Variants in KCNB2 observed in about 807,000 individuals in gnomAD.
The protein encoded by KCNB2 is potassium voltage-gated channel subfamily B member 2, also known as delayed rectifier potassium channel protein.
In KCNB2, 15 loss-of-function variants were observed where a neutral mutation model predicts 61.5. The ratio of observed to expected loss-of-function variants is 0.24; its 90% CI spans 0.16 to 0.38. The LOEUF is 0.38. KCNB2 is among the 10% of genes least tolerant of loss of function. KCNB2 has a pLI of 1.00. For synonymous variants in KCNB2, 457 were observed against 446.0 expected, an observed-to-expected ratio of 1.02 and a Z score of -0.31; for missense variants, 828 against 1,125.2, an observed-to-expected ratio of 0.74 and a Z score of 3.78.
intron 2 of KCNB2, among the ~76,000 whole-genome samples, chr8:72,923,768 G>A (rs2129008437): frequency 6.6e-6 from 1 of 152,276 alleles, no homozygotes; most frequent in East Asian, 1.9e-4. Flanking sequence ...AGGCACTAAT[G>A]TCAAATAGGA....
chr8:72,773,774 T>A lies in KCNB2; in HGVS notation c.580-162161T>A, dbSNP rs185241657. On this transcript the variant is annotated intron_variant, in intron 2 of 2. Coordinates refer to ENST00000523207, the MANE Select transcript of KCNB2 (RefSeq NM_004770.3). Reference sequence around the variant, plus strand: ...GAGTTCATTTACCTTCACAATTAATTTTGTACCTAAGAACTTTCAGACTTA... The same window carrying A: ...GAGTTCATTTACCTTCACAATTAATATTGTACCTAAGAACTTTCAGACTTA... 4.3e-3 allele frequency among the ~76,000 whole-genome samples: 651 copies of A among 152,312 alleles called. 4 individuals are homozygous for A. Among genetic ancestry groups the A allele is most frequent in the African/African-American group, 0.015 (612 of 41,548 alleles).
At chr8:72,661,008 G>A (rs1451012456) in intron 2 of KCNB2, 1 of 152,022 alleles carries the variant, frequency 6.6e-6, no homozygotes, top group African/African-American at 2.4e-5. Flanking sequence ...TGTACATTCG[G>A]TTGCTTTTTT....
chr8:72,724,382 C>T (rs538439139), intron 2 of KCNB2, among the ~76,000 whole-genome samples: 41 of 152,294 alleles, frequency 2.7e-4, no homozygotes, highest in African/African-American at 9.6e-4. Context: ...TTTGGAAAAA[C>T]TTAAATCAAA....
In KCNB2 at chr8:72,937,449, C is replaced by T. The variant is rs1221039418; in HGVS notation, c.2094C>T (p.Asp698=). 1.9e-6 allele frequency: 3 copies of T among 1,613,854 alleles called. No homozygotes were observed. Among genetic ancestry groups the T allele is most frequent in the Non-Finnish European group, 2.5e-6 (3 of 1,179,994 alleles). The change falls in exon 3 of 3, where the codon GAC becomes GAT. Residue 698 remains aspartate, a synonymous_variant. Coordinates refer to ENST00000523207, the MANE Select transcript of KCNB2 (RefSeq NM_004770.3). ...CTTTGCAGTCTGACAATGCCACCGA[C>T]AGTCCTAAGAGCTCTCTAAAAGGCA... ...HSPLQSDNAT[D]SPKSSLKGSN...
At chr8:72,706,486 G>A (rs573512878) in intron 2 of KCNB2, among the ~76,000 whole-genome samples, 91 of 152,270 alleles carry the variant, frequency 6.0e-4, no homozygotes, top group South Asian at 1.5e-3. Flanking sequence ...CAGGCATCAG[G>A]ATTGCTGTTT....
chr8:72,794,670 T>C (rs1809001479), intron 2 of KCNB2, among the ~76,000 whole-genome samples: 1 of 151,728 alleles, frequency 6.6e-6, no homozygotes. Context: ...AATATACATA[T>C]GTAGAATCTG....
At chr8:72,853,550 C>T (rs969883847) in intron 2 of KCNB2, among the ~76,000 whole-genome samples, 2 of 152,184 alleles carry the variant, frequency 1.3e-5, no homozygotes, top group Non-Finnish European at 1.5e-5. Context: ...GATACTTTAA[C>T]CTAATGTCTA....
intron 2 of KCNB2, among the ~76,000 whole-genome samples, chr8:72,703,589 GTC>G (rs1472335245): frequency 6.6e-6 from 1 of 152,146 alleles, no homozygotes; most frequent in Non-Finnish European, 1.5e-5. Context: ...CCCAGAGAGG[GTC>G]TCAGCTGAGA....
Position 72,937,986 on chromosome 8 carries a change from C to T in KCNB2, c.2631C>T (p.Asp877=), listed in dbSNP as rs745468087. Residue 877 remains aspartate (D), a synonymous_variant, in exon 3 of 3, where the codon GAC becomes GAT. Coordinates refer to ENST00000523207, the MANE Select transcript of KCNB2 (RefSeq NM_004770.3). ...ATGCTGTGAGTGAAGTCAAAAAGGA[C>T]AGTAGTCAAGAAGGGTGCAAGATGG... The part of the protein sequence containing the change: ...IYHAVSEVKK[D]SSQEGCKMEN... 2.5e-6 allele frequency: 4 copies of T among 1,614,062 alleles called. No homozygotes were observed. In the East Asian group the frequency reaches 6.7e-5, roughly 27 times the overall value.
intron 2 of KCNB2, among the ~76,000 whole-genome samples, chr8:72,717,798 C>T (rs1468116423): frequency 6.6e-6 from 1 of 152,192 alleles, no homozygotes; most frequent in Admixed American, 6.5e-5. Flanking sequence ...GCAACAAAAG[C>T]CAAAATTGAC....
intron 2 of KCNB2, among the ~76,000 whole-genome samples, chr8:72,906,026 G>T (rs779784168): frequency 1.3e-5 from 2 of 152,070 alleles, no homozygotes; most frequent in Non-Finnish European, 2.9e-5. Context: ...GCCAAAATTC[G>T]GTTTTCTGTC....
At chr8:72,714,897 T>A (rs1449538927) in intron 2 of KCNB2, among the ~76,000 whole-genome samples, 1 of 152,144 alleles carries the variant, frequency 6.6e-6, no homozygotes, top group African/African-American at 2.4e-5. Flanking sequence ...CCCATCAGTG[T>A]GCTGTATTCA....
chr8:72,681,823 T>C (rs1432895816), intron 2 of KCNB2, among the ~76,000 whole-genome samples: 1 of 152,188 alleles, frequency 6.6e-6, no homozygotes, highest in Non-Finnish European at 1.5e-5. Flanking sequence ...ATAGTAATTT[T>C]TTCAGCTCCA....
rs1805459122 is a variant in KCNB2 at position 72,606,811 on chromosome 8, G to A, written c.579+38498G>A. ...GAGATGAGGTCTGCTTGCTGAGGGA[G>A]AGTAAAAGTTAAGGCAGAAAAGTGT... On this transcript the variant is annotated intron_variant, in intron 2 of 2. Transcript: ENST00000523207. Among the ~76,000 whole-genome samples the A allele has an allele frequency of 2.6e-5, 4 of 152,168 alleles. No homozygotes were observed. The South Asian group carries it at 8.3e-4, about 32-fold the overall frequency.
intron 2 of KCNB2, among the ~76,000 whole-genome samples, chr8:72,629,008 A>C (rs2128984806): frequency 6.6e-6 from 1 of 152,372 alleles, no homozygotes; most frequent in East Asian, 1.9e-4. Context: ...AAATGCTAAT[A>C]TAACTGAGGA....
rs118068291 is a variant in KCNB2 at position 72,650,077 on chromosome 8, C to G, written c.579+81764C>G. ...AATAAAGCACCATTAAAAGGAAAGA[C>G]AATTATACAGAGAAGCCTGTAAACT... On this transcript the variant is annotated intron_variant, in intron 2 of 2. Coordinates refer to ENST00000523207, the MANE Select transcript of KCNB2 (RefSeq NM_004770.3). Among the ~76,000 whole-genome samples the G allele has an allele frequency of 5.0e-3, 756 of 152,180 alleles. 5 individuals are homozygous for G. The highest frequency in any genetic ancestry group is 8.9e-3 in the Non-Finnish European group (607 of 68,006).
intron 2 of KCNB2, among the ~76,000 whole-genome samples, chr8:72,909,931 A>C (rs1317977986): frequency 6.6e-6 from 1 of 152,136 alleles, no homozygotes; most frequent in African/African-American, 2.4e-5. Context: ...TACCCATGGG[A>C]CATCTTAGGG....
intron 2 of KCNB2, among the ~76,000 whole-genome samples, chr8:72,907,640 T>C (rs908004261): frequency 6.6e-6 from 1 of 152,156 alleles, no homozygotes; most frequent in African/African-American, 2.4e-5. Context: ...ACAAAAATGT[T>C]TGCAAATAGA....
intron 2 of KCNB2, among the ~76,000 whole-genome samples, chr8:72,570,367 G>A (rs898522872): frequency 1.3e-5 from 2 of 152,054 alleles, no homozygotes; most frequent in African/African-American, 4.8e-5. Context: ...TTTCCATACA[G>A]GATTTATGTT....
Sources: gnomAD v4.1 joint callset for allele counts (sites outside exome capture counted in the v4.1 genomes callset) on GRCh38, gnomAD v4.1.1 for gene constraint, MANE v1.5 for transcripts, NCBI Gene and HGNC (gene_info 2026-07-23, HGNC 2026-07-21) for gene names.